Variants in CSNK1G1 observed in about 807,000 individuals in gnomAD.
CSNK1G1 encodes the protein casein kinase I isoform gamma-1.
In CSNK1G1, 22 loss-of-function variants were observed where a neutral mutation model predicts 59.6. The ratio of observed to expected loss-of-function variants is 0.37; its 90% CI spans 0.26 to 0.53. The LOEUF is 0.53. Among genes scored for constraint, CSNK1G1 ranks in the 20% least tolerant of loss-of-function variants. The probability of loss-of-function intolerance (pLI) is 0.89; values close to 1 mark genes in which losing one functional copy is unlikely to be tolerated. For synonymous variants in CSNK1G1, 179 were observed against 177.1 expected, an observed-to-expected ratio of 1.01 and a Z score of -0.08; for missense variants, 384 against 519.5, an observed-to-expected ratio of 0.74 and a Z score of 2.54.
In CSNK1G1 at chr15:64,200,401, A is replaced by G. The variant is rs2082092177; in HGVS notation, c.1107+2681T>C. On this transcript the variant is annotated intron_variant, in intron 10 of 11. Coordinates refer to ENST00000303052, the MANE Select transcript of CSNK1G1 (RefSeq NM_022048.5). The surrounding 1 kb of genome is among the most constrained non-coding windows in gnomAD (Gnocchi z 4.3). ...TGCAGTGGTGCCCAGGCTGGGGTGT[A>G]ATGGTACCATCTCGTCTCACTGCAA... Among the ~76,000 whole-genome samples the G allele has an allele frequency of 6.6e-6, 1 of 152,008 alleles. No individual in the cohort carries two copies. Among genetic ancestry groups the G allele is most frequent in the South Asian group, 2.1e-4 (1 of 4,824 alleles).
At chr15:64,334,641 C>G (rs1897282863) in intron 1 of CSNK1G1, among the ~76,000 whole-genome samples, 1 of 152,158 alleles carries the variant, frequency 6.6e-6, no homozygotes, top group Non-Finnish European at 1.5e-5. Flanking sequence ...TAACCTACAT[C>G]CCTCTCACGT....
rs772397400 is a variant in CSNK1G1 at position 64,214,595 on chromosome 15, C to A, written c.445-471G>T. On this transcript the variant is annotated intron_variant, in intron 5 of 11. Coordinates refer to ENST00000303052, the MANE Select transcript of CSNK1G1 (RefSeq NM_022048.5). The surrounding 1 kb of genome is among the most constrained non-coding windows in gnomAD (Gnocchi z 4.3). ...AACCCAGTTTTCGATGTTGTGAGGC[C>A]CAGAGAAGTTAATACTGGCCTGACA... 1.3e-5 allele frequency among the ~76,000 whole-genome samples: 2 copies of A among 152,046 alleles called. No individual in the cohort carries two copies. Among genetic ancestry groups the A allele is most frequent in the African/African-American group, 2.4e-5 (1 of 41,382 alleles).
At chr15:64,206,051 A>G (rs1046925562) in intron 7 of CSNK1G1, among the ~76,000 whole-genome samples, 2 of 152,222 alleles carry the variant, frequency 1.3e-5, no homozygotes, top group Admixed American at 1.3e-4. Context: ...TCATGCCTGT[A>G]ATCCTAGCAC....
At chr15:64,231,256 G>A (rs1212141161) in intron 4 of CSNK1G1, among the ~76,000 whole-genome samples, 13 of 149,698 alleles carry the variant, frequency 8.7e-5, no homozygotes, top group Non-Finnish European at 1.8e-4. Context: ...AGCCCAGGAG[G>A]TTGAGGCTGC....
At chr15:64,218,397 C>CT (rs879565601) in intron 4 of CSNK1G1, among the ~76,000 whole-genome samples, 214 of 144,534 alleles carry the variant, frequency 1.5e-3, no homozygotes, top group Middle Eastern at 3.5e-3. Context: ...TCCTAAACAA[C>CT]TTTTTTTTTT....
Position 64,300,377 on chromosome 15 carries a change from T to A in CSNK1G1, c.123A>T (p.Gly41=), listed in dbSNP as rs1895259912. Residue 41 remains glycine (G), a synonymous_variant, in exon 2 of 12, where the codon GGA becomes GGT. Coordinates refer to ENST00000303052, the MANE Select transcript of CSNK1G1 (RefSeq NM_022048.5). The part of the protein sequence containing the change: ...SSSSSGVLMV[G]PNFRVGKKIG... Reference sequence around the variant, plus strand: ...TCTTCTTGCCAACCCTGAAGTTGGGTCCCACCATAAGAACCCCAGAGGACG... The same window carrying A: ...TCTTCTTGCCAACCCTGAAGTTGGGACCCACCATAAGAACCCCAGAGGACG... 5 of 1,614,008 alleles carry A rather than the reference T, an allele frequency of 3.1e-6. No individual in the cohort carries two copies. In the South Asian group the frequency reaches 5.5e-5, roughly 18 times the overall value.
At position 64,326,892 on chromosome 15, in the gene CSNK1G1, C is replaced by T. The variant is rs550379407; in HGVS notation, c.-224-26169G>A. Among the ~76,000 whole-genome samples, 914 of 150,534 alleles carry T rather than the reference C, an allele frequency of 6.1e-3. 9 individuals are homozygous for T. The highest frequency in any genetic ancestry group is 0.014 in the African/African-American group (577 of 40,960). On this transcript the variant is annotated intron_variant, in intron 1 of 11. Coordinates refer to ENST00000303052, the MANE Select transcript of CSNK1G1 (RefSeq NM_022048.5). ...GCAAGGGGTCAGGGAGTTCCCTTTCCGAGTCAAAGAAAGGGGTGACGGACG... is the reference window on the plus strand; with the variant it reads ...GCAAGGGGTCAGGGAGTTCCCTTTCTGAGTCAAAGAAAGGGGTGACGGACG...
At chr15:64,264,863 G>A (rs1892897896) in intron 2 of CSNK1G1, among the ~76,000 whole-genome samples, 1 of 152,038 alleles carries the variant, frequency 6.6e-6, no homozygotes, top group Non-Finnish European at 1.5e-5. Context: ...GGCATAAAAG[G>A]AACACATTTC....
intron 10 of CSNK1G1, among the ~76,000 whole-genome samples, chr15:64,202,693 T>C (rs1393962205): frequency 3.3e-5 from 5 of 152,070 alleles, no homozygotes; most frequent in Admixed American, 6.6e-5. Flanking sequence ...GCTGGGACTA[T>C]AGGCACGTGC....
intron 10 of CSNK1G1, among the ~76,000 whole-genome samples, chr15:64,190,496 C>T (rs1298562588): frequency 1.3e-5 from 2 of 152,112 alleles, no homozygotes; most frequent in African/African-American, 4.8e-5. Flanking sequence ...CTCACCACAA[C>T]CTCCGCCTCT....
chr15:64,318,051 C>G (rs1440617251), intron 1 of CSNK1G1, among the ~76,000 whole-genome samples: 3 of 152,008 alleles, frequency 2.0e-5, no homozygotes, highest in Non-Finnish European at 2.9e-5. Flanking sequence ...TAAACCTTAT[C>G]CAACTTAGGT....
chr15:64,330,418 C>G (rs1897059425), intron 1 of CSNK1G1, among the ~76,000 whole-genome samples: 1 of 151,286 alleles, frequency 6.6e-6, no homozygotes, highest in Non-Finnish European at 1.5e-5. Context: ...GAGCCAAAGA[C>G]AAAAACCACA....
intron 2 of CSNK1G1, among the ~76,000 whole-genome samples, chr15:64,294,168 G>A (rs910437862): frequency 2.0e-5 from 3 of 152,104 alleles, no homozygotes; most frequent in Non-Finnish European, 4.4e-5. Flanking sequence ...CATCTCCCAG[G>A]TTCAACTGGT....
intron 2 of CSNK1G1, among the ~76,000 whole-genome samples, chr15:64,290,901 A>G (rs1894702299): frequency 6.6e-6 from 1 of 152,024 alleles, no homozygotes; most frequent in African/African-American, 2.4e-5. Flanking sequence ...TTCAGTAGAG[A>G]CGGGGTTTCA....
At chr15:64,185,201 T>C (rs2081875326) in intron 10 of CSNK1G1, among the ~76,000 whole-genome samples, 1 of 152,238 alleles carries the variant, frequency 6.6e-6, no homozygotes, top group South Asian at 2.1e-4. Flanking sequence ...AGAGCAAACT[T>C]TTCTTGTCTT....
chr15:64,348,638 C>T (rs1168293267), intron 1 of CSNK1G1, among the ~76,000 whole-genome samples: 1 of 152,164 alleles, frequency 6.6e-6, no homozygotes. Context: ...CTCACCAGCA[C>T]CCACATCAGA....
chr15:64,309,909 A>T (rs1296762806), intron 1 of CSNK1G1, among the ~76,000 whole-genome samples: 1 of 152,118 alleles, frequency 6.6e-6, no homozygotes, highest in Non-Finnish European at 1.5e-5. Flanking sequence ...GAAGAATTCA[A>T]TACCAGCTTG....
chr15:64,257,150 G>A (rs1040397984), intron 3 of CSNK1G1, among the ~76,000 whole-genome samples: 1 of 151,572 alleles, frequency 6.6e-6, no homozygotes, highest in African/African-American at 2.4e-5. Context: ...ATACTAGATT[G>A]TAAGAGTTCC....
chr15:64,216,439 G>A lies in CSNK1G1; in HGVS notation c.444+123C>T, dbSNP rs541236627. 15 of 920,468 alleles carry A rather than the reference G, an allele frequency of 1.6e-5. No individual in the cohort carries two copies. The African/African-American group carries it at 2.2e-4, about 14-fold the overall frequency. The allele number at this position is 920,468 out of a possible 1,614,324, so 57.0% of individuals were successfully genotyped here. A position where few individuals can be genotyped will look rare whatever the true frequency, so the allele number is the denominator to read the frequency against. On this transcript the variant is annotated intron_variant, in intron 5 of 11. Coordinates refer to ENST00000303052, the MANE Select transcript of CSNK1G1 (RefSeq NM_022048.5). This position sits in a 1 kb window ranked among gnomAD's most constrained non-coding sequence, Gnocchi z 4.6. ...TTTGCCCCAGCCAGCTTCCCAGAAT[G>A]CCATCAAGCCTGTGAGTACTAATTC...
Sources: allele counts gnomAD v4.1 joint callset (sites outside exome capture counted in the v4.1 genomes callset), GRCh38; gene constraint gnomAD v4.1.1; non-coding constraint Gnocchi (gnomAD v3.1); transcripts MANE v1.5; gene names NCBI Gene and HGNC (gene_info 2026-07-23, HGNC 2026-07-21).